The following CNTN5 variants were observed in gnomAD, a reference collection of about 807,000 sequenced individuals.
CNTN5 encodes the protein contactin 5.
CNTN5 carries 77 observed loss-of-function variants against 129.1 expected under a neutral mutation model. The ratio of observed to expected loss-of-function variants is 0.60; its 90% CI spans 0.50 to 0.72. The LOEUF (loss-of-function observed/expected upper bound fraction) is 0.72, where lower values mean the gene tolerates loss of function less well. Among genes scored for constraint, CNTN5 ranks in the 30% least tolerant of loss-of-function variants. The pLI is 0.00. For synonymous variants in CNTN5, 509 were observed against 465.6 expected, an observed-to-expected ratio of 1.09 and a Z score of -1.20; for missense variants, 1,478 against 1,328.8, an observed-to-expected ratio of 1.11 and a Z score of -1.75.
intron 3 of CNTN5, among the ~76,000 whole-genome samples, chr11:99,579,603 G>C (rs1949497411): frequency 7.0e-6 from 1 of 143,368 alleles, no homozygotes; most frequent in Non-Finnish European, 1.5e-5. Context: ...TTGTGAATGG[G>C]AGTTCACTCA....
intron 1 of CNTN5, among the ~76,000 whole-genome samples, chr11:99,161,524 A>G (rs1333956989): frequency 1.3e-5 from 2 of 152,232 alleles, no homozygotes; most frequent in South Asian, 4.1e-4. Flanking sequence ...CCCAAAACCA[A>G]TTGCGAGCAT....
chr11:99,457,472 T>C (rs1465380255), intron 2 of CNTN5, among the ~76,000 whole-genome samples: 1 of 151,808 alleles, frequency 6.6e-6, no homozygotes, highest in East Asian at 1.9e-4. Flanking sequence ...TCCTTAAGAA[T>C]GGGTAGAATT....
At chr11:99,314,040 A>G (rs1195249663) in intron 1 of CNTN5, among the ~76,000 whole-genome samples, 1 of 152,044 alleles carries the variant, frequency 6.6e-6, no homozygotes, top group African/African-American at 2.4e-5. Context: ...AAATTAGCCC[A>G]AAGGGGGTTG....
chr11:99,791,195 G>A (rs1055672261), intron 3 of CNTN5, among the ~76,000 whole-genome samples: 4 of 151,738 alleles, frequency 2.6e-5, no homozygotes, highest in Admixed American at 2.0e-4. Context: ...GATTTTGGGG[G>A]TCTTAGTCAT....
intron 7 of CNTN5, among the ~76,000 whole-genome samples, chr11:99,919,288 T>G (rs1013775842): frequency 2.0e-5 from 3 of 151,868 alleles, no homozygotes; most frequent in African/African-American, 7.2e-5. Context: ...TTTTGCCTAC[T>G]TTAAGAAATT....
chr11:99,758,754 T>C (rs532454336), intron 3 of CNTN5, among the ~76,000 whole-genome samples: 8 of 152,046 alleles, frequency 5.3e-5, no homozygotes, highest in African/African-American at 1.9e-4. Context: ...GGATAAGGAA[T>C]TTTGAGGAAG....
At chr11:99,411,254 G>A (rs1362580609) in intron 2 of CNTN5, among the ~76,000 whole-genome samples, 3 of 152,288 alleles carry the variant, frequency 2.0e-5, no homozygotes, top group East Asian at 3.9e-4. Flanking sequence ...AGGGCCAAGA[G>A]CAGTAGCTCA....
chr11:100,000,847 G>A (rs953047423), intron 8 of CNTN5, among the ~76,000 whole-genome samples: 3 of 152,114 alleles, frequency 2.0e-5, no homozygotes, highest in African/African-American at 4.8e-5. Flanking sequence ...ATTTGCCAAG[G>A]CTTGGGGCTT....
At chr11:99,689,773 G>A (rs1000169727) in intron 3 of CNTN5, among the ~76,000 whole-genome samples, 1 of 151,688 alleles carries the variant, frequency 6.6e-6, no homozygotes, top group Non-Finnish European at 1.5e-5. Flanking sequence ...TTTTCAATGG[G>A]GTTCTTTGCT....
At chr11:99,831,369 G>C (rs929740704) in intron 4 of CNTN5, among the ~76,000 whole-genome samples, 10 of 152,130 alleles carry the variant, frequency 6.6e-5, no homozygotes, top group Non-Finnish European at 1.3e-4. Context: ...GATGAATATA[G>C]AGAATGAGGC....
Position 99,363,452 on chromosome 11 carries a change from T to A in CNTN5, c.-71+37968T>A, listed in dbSNP as rs1939250295. On this transcript the variant is annotated intron_variant, in intron 2 of 24. Coordinates refer to ENST00000524871, the MANE Select transcript of CNTN5 (RefSeq NM_014361.4). ...ATACCAAGTTTATTTGATACTCACA[T>A]TTACATCAGATGTGTGTTGCTGCAG... is the stretch of plus-strand genomic sequence containing the variant. Among the ~76,000 whole-genome samples, 3 of 152,204 alleles carry A rather than the reference T, an allele frequency of 2.0e-5. No homozygotes were observed. The South Asian group carries it at 6.2e-4, about 32-fold the overall frequency.
At chr11:99,968,745 G>T (rs1342745521) in intron 8 of CNTN5, among the ~76,000 whole-genome samples, 1 of 126,926 alleles carries the variant, frequency 7.9e-6, no homozygotes, top group African/African-American at 3.0e-5. Flanking sequence ...AAATCCAGGA[G>T]ACTTTTTCTT....
intron 6 of CNTN5, among the ~76,000 whole-genome samples, chr11:99,912,854 C>A (rs1277565453): frequency 6.6e-6 from 1 of 151,836 alleles, no homozygotes; most frequent in Non-Finnish European, 1.5e-5. Context: ...TGTAAATGTG[C>A]CTTATAGTAA....
intron 2 of CNTN5, among the ~76,000 whole-genome samples, chr11:99,444,323 G>A (rs1400875639): frequency 6.6e-6 from 1 of 152,122 alleles, no homozygotes; most frequent in Non-Finnish European, 1.5e-5. Context: ...AGATAGTACT[G>A]AAAATGAAGG....
At chr11:99,028,703 T>G (rs1052035728) in intron 1 of CNTN5, among the ~76,000 whole-genome samples, 3 of 146,702 alleles carry the variant, frequency 2.0e-5, no homozygotes, top group Non-Finnish European at 3.0e-5. Flanking sequence ...ATAGCCAAAC[T>G]CAAGGTAAAA....
At chr11:99,285,703 C>T (rs1231581352) in intron 1 of CNTN5, among the ~76,000 whole-genome samples, 2 of 151,732 alleles carry the variant, frequency 1.3e-5, no homozygotes, top group East Asian at 1.9e-4. Context: ...AGGAAGCTGT[C>T]GATACACAGA....
intron 1 of CNTN5, among the ~76,000 whole-genome samples, chr11:99,313,472 A>T (rs763882930): frequency 1.7e-4 from 26 of 152,074 alleles, no homozygotes; most frequent in Admixed American, 2.6e-4. Context: ...ATTTGCTAAG[A>T]ACATACTAAC....
chr11:99,382,330 TCTG>T lies in CNTN5; in HGVS notation c.-71+56850_-71+56852del, dbSNP rs1940617081. 5.3e-5 allele frequency among the ~76,000 whole-genome samples: 8 copies of T among 152,150 alleles called. 1 individual carries two copies. In the South Asian group the frequency reaches 1.7e-3, roughly 32 times the overall value. On this transcript the variant is annotated intron_variant, in intron 2 of 24. Coordinates refer to ENST00000524871, the MANE Select transcript of CNTN5 (RefSeq NM_014361.4). Reference sequence around the variant, plus strand: ...AAATAATTATGACCTAGAAGTGAAATCTGCTGGACAGAAATTGGCTAGACCCAA... The same window carrying T: ...AAATAATTATGACCTAGAAGTGAAATCTGGACAGAAATTGGCTAGACCCAA...
chr11:100,318,847 A>G (rs1951621087), intron 21 of CNTN5, among the ~76,000 whole-genome samples: 1 of 152,186 alleles, frequency 6.6e-6, no homozygotes, highest in South Asian at 2.1e-4. Context: ...CAAAATCTAT[A>G]TTTAGCATTG....
Sources: allele counts gnomAD v4.1 joint callset (sites outside exome capture counted in the v4.1 genomes callset), GRCh38; gene constraint gnomAD v4.1.1; transcripts MANE v1.5; gene names NCBI Gene and HGNC (gene_info 2026-07-23, HGNC 2026-07-21).